Variants in ATP8A2 observed in about 807,000 individuals in gnomAD.
The protein encoded by ATP8A2 is phospholipid-transporting ATPase IB.
ATP8A2 carries 100 observed loss-of-function variants against 165.6 expected under a neutral mutation model. That is an observed-to-expected ratio of 0.60 (90% CI 0.51 to 0.71). The LOEUF (loss-of-function observed/expected upper bound fraction) is 0.71, where lower values mean the gene tolerates loss of function less well. Ranked by LOEUF, ATP8A2 falls within the 30% of genes least tolerant of loss-of-function variation. The probability of loss-of-function intolerance (pLI) is 0.00; values close to 1 mark genes in which losing one functional copy is unlikely to be tolerated. For missense variants in ATP8A2, 1,227 were observed against 1,479.5 expected (o/e 0.83, Z 2.80); for synonymous variants, 543 against 548.8 (o/e 0.99, Z 0.15).
intron 23 of ATP8A2, among the ~76,000 whole-genome samples, chr13:25,585,275 A>G (rs1175461810): frequency 1.5e-4 from 23 of 152,240 alleles, no homozygotes; most frequent in Non-Finnish European, 1.3e-4. Context: ...CAGCTGGTCT[A>G]AAGTGAAATT....
intron 24 of ATP8A2, among the ~76,000 whole-genome samples, chr13:25,690,732 C>G (rs1416149166): frequency 6.6e-6 from 1 of 152,108 alleles, no homozygotes; most frequent in Non-Finnish European, 1.5e-5. Flanking sequence ...ACCTGGGAAC[C>G]CACAGTGACT....
intron 1 of ATP8A2, among the ~76,000 whole-genome samples, chr13:25,411,520 G>A (rs1373370184): frequency 6.6e-6 from 1 of 152,158 alleles, no homozygotes; most frequent in East Asian, 1.9e-4. Context: ...CAGCAAAAAT[G>A]TTTTATATTG....
rs191578374 is a variant in ATP8A2, at chr13:25,892,461, T to C, written c.3183+30053T>C. Among the ~76,000 whole-genome samples the C allele has an allele frequency of 1.4e-4, 21 of 149,606 alleles. No homozygotes were observed. The East Asian group carries it at 4.3e-3, about 31-fold the overall frequency. ...GAAACAACAAATGGAAACATTTCTCTCTCTCTCTGTCTCTCTGTCTCTCTC... is the reference window on the plus strand; with the variant it reads ...GAAACAACAAATGGAAACATTTCTCCCTCTCTCTGTCTCTCTGTCTCTCTC... On this transcript the variant is annotated intron_variant, in intron 33 of 36. Coordinates refer to ENST00000381655, the MANE Select transcript of ATP8A2 (RefSeq NM_016529.6).
At chr13:25,379,806 T>A (rs996142330) in intron 1 of ATP8A2, among the ~76,000 whole-genome samples, 6 of 152,202 alleles carry the variant, frequency 3.9e-5, no homozygotes, top group Non-Finnish European at 8.8e-5. Flanking sequence ...TACTCTGCTG[T>A]CCATTTGTGC....
intron 27 of ATP8A2, among the ~76,000 whole-genome samples, chr13:25,790,847 G>A (rs985240826): frequency 6.6e-6 from 1 of 152,090 alleles, no homozygotes; most frequent in African/African-American, 2.4e-5. Context: ...TCTGACACCA[G>A]TCAGAATGGC....
At chr13:25,977,836 T>C (rs1481277158) in intron 35 of ATP8A2, among the ~76,000 whole-genome samples, 1 of 152,186 alleles carries the variant, frequency 6.6e-6, no homozygotes, top group Admixed American at 6.5e-5. Context: ...AGAAAATGCC[T>C]GGAGAGAAAA....
intron 1 of ATP8A2, among the ~76,000 whole-genome samples, chr13:25,385,790 C>G (rs2033019459): frequency 6.6e-6 from 1 of 151,728 alleles, no homozygotes; most frequent in African/African-American, 2.4e-5. Flanking sequence ...ATCCCAGGCT[C>G]AAGCAATCCT....
At chr13:25,416,335 T>C (rs1353125855) in intron 1 of ATP8A2, among the ~76,000 whole-genome samples, 1 of 152,202 alleles carries the variant, frequency 6.6e-6, no homozygotes, top group Non-Finnish European at 1.5e-5. Context: ...CCCATAAAAC[T>C]GAAAGGGCAT....
At chr13:25,852,362 G>A (rs9507587) in intron 30 of ATP8A2, among the ~76,000 whole-genome samples, 20,240 of 152,114 alleles carry the variant, frequency 0.13, 1,604 homozygotes, top group Non-Finnish European at 0.18. Context: ...CAAAATGTCC[G>A]TAGTGCCACA....
chr13:25,681,661 G>A (rs2042491256), intron 24 of ATP8A2, among the ~76,000 whole-genome samples: 1 of 152,140 alleles, frequency 6.6e-6, no homozygotes, highest in African/African-American at 2.4e-5. Flanking sequence ...CTGAACTTGT[G>A]GACAGGTTTG....
chr13:25,713,782 G>C (rs1408439333), intron 25 of ATP8A2, among the ~76,000 whole-genome samples: 2 of 151,652 alleles, frequency 1.3e-5, no homozygotes, highest in Non-Finnish European at 2.9e-5. Flanking sequence ...CCATGTTCTG[G>C]GTCCTGGGGA....
At chr13:25,568,913 C>T (rs1405860996) in intron 16 of ATP8A2, among the ~76,000 whole-genome samples, 5 of 151,948 alleles carry the variant, frequency 3.3e-5, no homozygotes, top group African/African-American at 1.2e-4. Flanking sequence ...GGAAGAAAAC[C>T]AATGATAGGT....
intron 2 of ATP8A2, among the ~76,000 whole-genome samples, chr13:25,478,967 C>T (rs1282406907): frequency 6.6e-6 from 1 of 152,122 alleles, no homozygotes; most frequent in Non-Finnish European, 1.5e-5. Flanking sequence ...CCTGCCTCAG[C>T]CTCCCAAGTA....
chr13:25,755,257 C>T (rs981320937), intron 25 of ATP8A2, among the ~76,000 whole-genome samples: 9 of 152,132 alleles, frequency 5.9e-5, no homozygotes, highest in Admixed American at 5.9e-4. Flanking sequence ...AGAGGCAGGC[C>T]CTCTCCACTG....
intron 10 of ATP8A2, 28 bp downstream of exon 10, chr13:25,543,430 CT>C: frequency 2.7e-5 from 38 of 1,407,736 alleles, no homozygotes; most frequent in South Asian, 1.1e-4. Context: ...TGATTTCAGT[CT>C]TTTTTTTCTT....
intron 35 of ATP8A2, among the ~76,000 whole-genome samples, chr13:26,003,530 T>C (rs940974608): frequency 2.6e-5 from 4 of 152,232 alleles, no homozygotes; most frequent in Non-Finnish European, 5.9e-5. Context: ...TATTGTTTGA[T>C]GTCATCCCAT....
At chr13:25,516,056 A>T (rs1042392337) in intron 2 of ATP8A2, among the ~76,000 whole-genome samples, 1 of 152,238 alleles carries the variant, frequency 6.6e-6, no homozygotes, top group Non-Finnish European at 1.5e-5. Context: ...CTACAACATG[A>T]GGGACGGATA....
chr13:25,705,978 A>G (rs1025356895), intron 25 of ATP8A2, among the ~76,000 whole-genome samples: 3 of 152,254 alleles, frequency 2.0e-5, no homozygotes, highest in African/African-American at 7.2e-5. Flanking sequence ...TTTTACATGA[A>G]TAGTTGCAAA....
chr13:25,598,842 T>G (rs2040305753), intron 24 of ATP8A2, among the ~76,000 whole-genome samples: 1 of 152,210 alleles, frequency 6.6e-6, no homozygotes, highest in Admixed American at 6.5e-5. Flanking sequence ...TTCTGTTGTT[T>G]TCTTTTAAAG....
Sources: allele counts gnomAD v4.1 joint callset (sites outside exome capture counted in the v4.1 genomes callset), GRCh38; gene constraint gnomAD v4.1.1; transcripts MANE v1.5; gene names NCBI Gene and HGNC (gene_info 2026-07-23, HGNC 2026-07-21).